Variants in FRS2 observed in about 807,000 individuals in gnomAD.
The protein encoded by FRS2 is fibroblast growth factor receptor substrate 2, also known as FGFR signalling adaptor.
In FRS2, 8 loss-of-function variants were observed where a neutral mutation model predicts 43.9. The ratio of observed to expected loss-of-function variants is 0.18; its 90% CI spans 0.11 to 0.33. The LOEUF is 0.33. Among genes scored for constraint, FRS2 ranks in the 10% least tolerant of loss-of-function variants. The pLI is 1.00. For missense variants in FRS2, 534 were observed against 627.6 expected, an observed-to-expected ratio of 0.85 and a Z score of 1.59; for synonymous variants, 219 against 220.3, an observed-to-expected ratio of 0.99 and a Z score of 0.05.
In FRS2 at chr12:69,578,733, T is replaced by C. The variant is rs549382971; in HGVS notation, c.*3778T>C. 11 of 152,782 alleles carry C rather than the reference T, an allele frequency of 7.2e-5. No homozygotes were observed. The South Asian group carries it at 2.3e-3, about 32-fold the overall frequency. The allele number at this position is 152,782 out of a possible 1,614,324, so 9.5% of individuals were successfully genotyped here. ...ATTGTAAGACTATTGTATGTCCTAA[T>C]TTGCATTATAAATGTTTTTTTCCTA... On this transcript the variant is annotated 3_prime_UTR_variant, in exon 9 of 9. Transcript: ENST00000549921.
chr12:69,472,504 ATAGTT>A (rs953605086), intron 1 of FRS2, among the ~76,000 whole-genome samples: 9 of 152,208 alleles, frequency 5.9e-5, no homozygotes, highest in African/African-American at 1.9e-4. Context: ...ATCTGGAAAA[ATAGTT>A]AAGTTAGATG....
chr12:69,541,579 A>G (rs1877904377), intron 3 of FRS2, among the ~76,000 whole-genome samples: 4 of 152,140 alleles, frequency 2.6e-5, no homozygotes, highest in Admixed American at 2.0e-4. Flanking sequence ...TAATCCTAGT[A>G]CTTTAGGAAG....
At chr12:69,534,418 A>G (rs1230271013) in intron 3 of FRS2, among the ~76,000 whole-genome samples, 1 of 152,246 alleles carries the variant, frequency 6.6e-6, no homozygotes, top group Non-Finnish European at 1.5e-5. Context: ...AATTGCTGCC[A>G]CGTAACAAAA....
intron 1 of FRS2, among the ~76,000 whole-genome samples, chr12:69,504,760 A>G (rs1159501189): frequency 1.3e-5 from 2 of 152,234 alleles, no homozygotes; most frequent in African/African-American, 4.8e-5. Context: ...TTACAACCTG[A>G]TGGAAATAAA....
intron 1 of FRS2, among the ~76,000 whole-genome samples, chr12:69,471,583 A>T (rs1565706754): frequency 6.6e-6 from 1 of 152,222 alleles, no homozygotes; most frequent in East Asian, 1.9e-4. Context: ...TAAACTGAGG[A>T]TTTCCTAGGG....
intron 3 of FRS2, among the ~76,000 whole-genome samples, chr12:69,551,840 T>G (rs1878898323): frequency 6.6e-6 from 1 of 152,144 alleles, no homozygotes; most frequent in African/African-American, 2.4e-5. Context: ...TTTCTGTTAT[T>G]TGTAATGTGT....
chr12:69,550,719 C>A (rs1347920810), intron 3 of FRS2, among the ~76,000 whole-genome samples: 1 of 152,182 alleles, frequency 6.6e-6, no homozygotes, highest in Non-Finnish European at 1.5e-5. Flanking sequence ...CTCACCTGAG[C>A]CATACTGCAC....
chr12:69,554,269 A>C (rs1879153880), intron 3 of FRS2, among the ~76,000 whole-genome samples: 1 of 152,226 alleles, frequency 6.6e-6, no homozygotes. Flanking sequence ...AAACATAAAA[A>C]GAAAAAATCC....
At chr12:69,480,322 T>C (rs1342588588) in intron 1 of FRS2, 1 of 152,252 alleles carries the variant, frequency 6.6e-6, no homozygotes, top group East Asian at 1.9e-4. Flanking sequence ...CTATTTGAGT[T>C]TCTGCCTCTA....
At chr12:69,544,693 A>G (rs1254132270) in intron 3 of FRS2, among the ~76,000 whole-genome samples, 1 of 152,136 alleles carries the variant, frequency 6.6e-6, no homozygotes, top group Admixed American at 6.5e-5. Flanking sequence ...GGTGACAGCA[A>G]GACTCCATCT....
At chr12:69,540,773 A>G (rs1013132470) in intron 3 of FRS2, among the ~76,000 whole-genome samples, 20 of 152,322 alleles carry the variant, frequency 1.3e-4, no homozygotes, top group African/African-American at 4.3e-4. Context: ...CCTGACAGCC[A>G]GGTAGGTTGT....
At chr12:69,512,626 C>A (rs1191525573) in intron 1 of FRS2, among the ~76,000 whole-genome samples, 1 of 152,056 alleles carries the variant, frequency 6.6e-6, no homozygotes, top group African/African-American at 2.4e-5. Context: ...GTTCTGAGGG[C>A]ATGCAGTAAA....
chr12:69,536,984 T>A (rs1054201838), intron 3 of FRS2, among the ~76,000 whole-genome samples: 3 of 152,188 alleles, frequency 2.0e-5, no homozygotes, highest in African/African-American at 7.2e-5. Context: ...TCATTCCATC[T>A]CCTCTCCATA....
intron 3 of FRS2, among the ~76,000 whole-genome samples, chr12:69,559,910 T>C (rs1394020924): frequency 6.6e-6 from 1 of 152,180 alleles, no homozygotes; most frequent in Non-Finnish European, 1.5e-5. Flanking sequence ...GTTGCTATGC[T>C]TCTAACTATA....
intron 1 of FRS2, among the ~76,000 whole-genome samples, chr12:69,495,724 C>T (rs1333309154): frequency 6.6e-6 from 1 of 152,120 alleles, no homozygotes; most frequent in African/African-American, 2.4e-5. Flanking sequence ...ACTGTCTCTA[C>T]AAAATAGCAA....
intron 1 of FRS2, among the ~76,000 whole-genome samples, chr12:69,498,531 G>GTGTGTGTGTGTGTGTC (rs1873124571): frequency 6.6e-6 from 1 of 151,802 alleles, no homozygotes; most frequent in South Asian, 2.1e-4. Context: ...GTGTGTGTGT[G>GTGTGTGTGTGTGTGTC]TGTGTGTGTG....
At chr12:69,479,700 C>T (rs1871192489) in intron 1 of FRS2, among the ~76,000 whole-genome samples, 1 of 152,072 alleles carries the variant, frequency 6.6e-6, no homozygotes, top group Non-Finnish European at 1.5e-5. Flanking sequence ...CTGGACTAAT[C>T]TGTTGTTTCT....
intron 1 of FRS2, among the ~76,000 whole-genome samples, chr12:69,502,955 A>G (rs1853076468): frequency 6.6e-6 from 1 of 152,174 alleles, no homozygotes; most frequent in Admixed American, 6.5e-5. Flanking sequence ...CTACATAACA[A>G]ATTACCATAA....
intron 1 of FRS2, among the ~76,000 whole-genome samples, chr12:69,519,817 C>T (rs867810763): frequency 6.6e-6 from 1 of 152,130 alleles, no homozygotes; most frequent in Non-Finnish European, 1.5e-5. Context: ...CATTAAAGGG[C>T]ATTTAGGTTG....
Sources: allele counts gnomAD v4.1 joint callset (sites outside exome capture counted in the v4.1 genomes callset), GRCh38; gene constraint gnomAD v4.1.1; transcripts MANE v1.5; gene names NCBI Gene and HGNC (gene_info 2026-07-23, HGNC 2026-07-21).